HECW1: variants seen among roughly 807,000 people sequenced by gnomAD.
HECW1 encodes the protein HECT, C2 and WW domain containing E3 ubiquitin protein ligase 1.
A neutral mutation model predicts 182.3 loss-of-function variants in HECW1; 61 were observed. The ratio of observed to expected loss-of-function variants is 0.33; its 90% confidence interval spans 0.27 to 0.41. The LOEUF (loss-of-function observed/expected upper bound fraction) is 0.41, where lower values mean the gene tolerates loss of function less well. HECW1 is among the 10% of genes least tolerant of loss of function. The pLI is 1.00. For missense variants in HECW1, 1,739 were observed against 2,108.9 expected (o/e 0.82, Z 3.44); for synonymous variants, 859 against 832.6 (o/e 1.03, Z -0.55).
intron 29 of HECW1, among the ~76,000 whole-genome samples, chr7:43,561,385 AG>A (rs1287334684): frequency 6.6e-6 from 1 of 152,236 alleles, no homozygotes; most frequent in Non-Finnish European, 1.5e-5. Flanking sequence ...AGGCCATCTC[AG>A]GTTCCTCTAA....
intron 29 of HECW1, among the ~76,000 whole-genome samples, chr7:43,560,084 C>T (rs1422366197): frequency 6.6e-6 from 1 of 152,186 alleles, no homozygotes; most frequent in Non-Finnish European, 1.5e-5. Flanking sequence ...ATGATGCCTG[C>T]TCCTATCTCG....
intron 2 of HECW1, among the ~76,000 whole-genome samples, chr7:43,138,033 G>T (rs1236413858): frequency 1.3e-5 from 2 of 151,206 alleles, no homozygotes; most frequent in East Asian, 3.9e-4. Context: ...AAATTCTTTT[G>T]CATCTCTCTC....
At chr7:43,433,858 C>A (rs2076626370) in intron 8 of HECW1, among the ~76,000 whole-genome samples, 1 of 152,140 alleles carries the variant, frequency 6.6e-6, no homozygotes, top group East Asian at 1.9e-4. Context: ...TACAGTTGCT[C>A]TGAAAAGCTC....
intron 2 of HECW1, among the ~76,000 whole-genome samples, chr7:43,162,184 T>C (rs1369083557): frequency 6.6e-6 from 1 of 152,254 alleles, no homozygotes; most frequent in African/African-American, 2.4e-5. Context: ...GAAAGCAAGA[T>C]GATATTTAGA....
chr7:43,384,571 A>C (rs947252183), intron 6 of HECW1, among the ~76,000 whole-genome samples: 3 of 152,220 alleles, frequency 2.0e-5, no homozygotes, highest in Non-Finnish European at 4.4e-5. Flanking sequence ...ATATTTTTAG[A>C]TGGGAATACA....
chr7:43,284,407 C>G (rs1217093480), intron 3 of HECW1, among the ~76,000 whole-genome samples: 1 of 149,582 alleles, frequency 6.7e-6, no homozygotes, highest in African/African-American at 2.5e-5. Context: ...TGGCTTATGC[C>G]TATAATCCTA....
chr7:43,492,400 C>G (rs2078966243), intron 18 of HECW1, among the ~76,000 whole-genome samples: 1 of 152,206 alleles, frequency 6.6e-6, no homozygotes, highest in Non-Finnish European at 1.5e-5. Flanking sequence ...CTGTTCCCCT[C>G]CCTGTCTTTT....
At chr7:43,518,737 A>G (rs2080288725) in intron 24 of HECW1, among the ~76,000 whole-genome samples, 1 of 152,224 alleles carries the variant, frequency 6.6e-6, no homozygotes, top group Non-Finnish European at 1.5e-5. Flanking sequence ...GAACAAATTC[A>G]AATGATTGAT....
intron 12 of HECW1, among the ~76,000 whole-genome samples, chr7:43,453,271 G>C (rs2077294015): frequency 6.6e-6 from 1 of 152,290 alleles, no homozygotes; most frequent in Middle Eastern, 3.4e-3. Context: ...GCCAGGGTGG[G>C]AGCAGTGGAG....
intron 24 of HECW1, among the ~76,000 whole-genome samples, chr7:43,524,829 T>A (rs2080695006): frequency 6.6e-6 from 1 of 152,192 alleles, no homozygotes; most frequent in Admixed American, 6.5e-5. Flanking sequence ...ACTGCAAAAT[T>A]ATGTAAGCAA....
chr7:43,244,389 T>C (rs7810766), intron 3 of HECW1, among the ~76,000 whole-genome samples: 150,350 of 152,298 alleles, frequency 0.99, 74,218 homozygotes, highest in East Asian at 1. Flanking sequence ...TAGGATGGGC[T>C]CTTGCAGCAG....
chr7:43,176,058 T>C (rs1381678863), intron 2 of HECW1, among the ~76,000 whole-genome samples: 1 of 152,236 alleles, frequency 6.6e-6, no homozygotes, highest in African/African-American at 2.4e-5. Context: ...ATTTTGCAAG[T>C]ACTACTTGAG....
At chr7:43,186,541 C>T (rs1411144198) in intron 2 of HECW1, among the ~76,000 whole-genome samples, 4 of 151,924 alleles carry the variant, frequency 2.6e-5, no homozygotes, top group South Asian at 2.1e-4. Context: ...TGGTGGAGGG[C>T]GCCTGTAGTC....
At position 43,444,358 on chromosome 7, in the gene HECW1, C is replaced by T. The variant is rs567360161; in HGVS notation, c.1186C>T (p.Leu396=). Residue 396 remains leucine (L), a synonymous_variant, in exon 11 of 30, where the codon CTG becomes TTG. Coordinates refer to ENST00000395891, the MANE Select transcript of HECW1 (RefSeq NM_015052.5). The surrounding 1 kb of genome is among the most constrained non-coding windows in gnomAD (Gnocchi z 4.3). The stretch of plus-strand genomic sequence containing the variant: ...CTCTGAGAGCTGGAAGCCAGAGCAG[C>T]TGGGTGAGGGCAGTGTCCCCGATGG... ...ESSESWKPEQ[L]GEGSVPDGPG... is the part of the protein sequence containing the mutation. 6.8e-5 allele frequency: 109 copies of T among 1,614,096 alleles called. No individual in the cohort carries two copies. In the South Asian group the frequency reaches 1.1e-3, roughly 17 times the overall value.
intron 5 of HECW1, among the ~76,000 whole-genome samples, chr7:43,345,787 C>A (rs1813593234): frequency 8.3e-6 from 1 of 120,490 alleles, no homozygotes. Context: ...GTGTAGTATT[C>A]CATCATATAT....
intron 24 of HECW1, among the ~76,000 whole-genome samples, chr7:43,531,477 G>A (rs1026088820): frequency 2.6e-5 from 4 of 152,148 alleles, no homozygotes; most frequent in African/African-American, 4.8e-5. Flanking sequence ...AATTGGAAAC[G>A]TATGAACACA....
chr7:43,202,488 T>C (rs1795093970), intron 2 of HECW1, among the ~76,000 whole-genome samples: 1 of 151,968 alleles, frequency 6.6e-6, no homozygotes, highest in African/African-American at 2.4e-5. Flanking sequence ...TTTTTTTTTT[T>C]TTTGAAACAG....
chr7:43,159,814 G>A (rs1043625645), intron 2 of HECW1, among the ~76,000 whole-genome samples: 1 of 151,568 alleles, frequency 6.6e-6, no homozygotes, highest in Non-Finnish European at 1.5e-5. Flanking sequence ...CAAGTAGCTG[G>A]GACTACAGGT....
At chr7:43,492,227 C>T (rs987689993) in intron 18 of HECW1, 47 bp downstream of exon 18, 2 of 1,304,506 alleles carry the variant, frequency 1.5e-6, no homozygotes, top group Non-Finnish European at 2.2e-6. Context: ...AATAGCAACA[C>T]CTAGACTTGA....
Sources: gnomAD v4.1 joint callset for allele counts (sites outside exome capture counted in the v4.1 genomes callset) on GRCh38, gnomAD v4.1.1 for gene constraint, Gnocchi (gnomAD v3.1) non-coding constraint, MANE v1.5 for transcripts, NCBI Gene and HGNC (gene_info 2026-07-23, HGNC 2026-07-21) for gene names.